The following WDFY1 variants were observed in gnomAD, a reference collection of about 807,000 sequenced individuals.
WDFY1 encodes WD repeat and FYVE domain containing 1, also known as WD repeat and FYVE domain-containing protein 1.
WDFY1 carries 32 observed loss-of-function variants against 56.4 expected under a neutral mutation model. That is an observed-to-expected ratio of 0.57 (90% CI 0.43 to 0.76). The LOEUF (loss-of-function observed/expected upper bound fraction) is 0.76. Ranked by LOEUF, WDFY1 falls within the 30% of genes least tolerant of loss-of-function variation. The pLI, the probability that WDFY1 is intolerant of heterozygous loss-of-function variation, is 0.00. For missense variants in WDFY1, 480 were observed against 545.7 expected, an observed-to-expected ratio of 0.88 and a Z score of 1.20; for synonymous variants, 192 against 197.3, an observed-to-expected ratio of 0.97 and a Z score of 0.23.
chr2:223,943,713 T>G (rs1689352531), intron 1 of WDFY1, among the ~76,000 whole-genome samples: 1 of 152,222 alleles, frequency 6.6e-6, no homozygotes, highest in South Asian at 2.1e-4. Context: ...ACCTTTAGGA[T>G]TTGAAAGACG....
At chr2:223,894,425 A>T (rs1693327527) in intron 7 of WDFY1, 86 bp from the exon 8 acceptor site, 1 of 1,357,586 alleles carries the variant, frequency 7.4e-7, no homozygotes, top group Admixed American at 1.9e-5. Context: ...TGCTCTCCTC[A>T]TTAAAATCAG....
chr2:223,944,889 A>T (rs1052576776), intron 1 of WDFY1, among the ~76,000 whole-genome samples: 2 of 149,432 alleles, frequency 1.3e-5, no homozygotes, highest in African/African-American at 2.5e-5. Context: ...CCCGGGCTGG[A>T]GGGGCGCGGT....
chr2:223,920,818 G>A (rs902273624), intron 1 of WDFY1, among the ~76,000 whole-genome samples: 2 of 152,214 alleles, frequency 1.3e-5, no homozygotes, highest in South Asian at 4.1e-4. Flanking sequence ...GCTTAAAACA[G>A]AGAGTGGCTG....
chr2:223,890,786 C>T (rs1376392761), intron 8 of WDFY1, among the ~76,000 whole-genome samples: 2 of 152,218 alleles, frequency 1.3e-5, no homozygotes, highest in Non-Finnish European at 2.9e-5. Context: ...AAATGCTATA[C>T]ATTCTGTAAC....
chr2:223,895,623 G>T lies in WDFY1; in HGVS notation c.606C>A (p.Val202=). ...ITTLKGHEGS[V]ACLWWDPIQR... ...GAATAGGGTCCCACCAGAGGCAGGC[G>T]ACACTACCTAGGGATTTGTGAGAGA... is the stretch of plus-strand genomic sequence containing the variant. The change falls in exon 7 of 12, where the codon GTC becomes GTA. Residue 202 remains valine (V), a synonymous_variant. Transcript: ENST00000233055. 6.2e-7 allele frequency: 1 copy of T among 1,613,874 alleles called. No homozygotes were observed. The highest frequency in any genetic ancestry group is 8.5e-7 in the Non-Finnish European group (1 of 1,179,912).
rs77501126 is a variant in WDFY1 at position 223,896,421 on chromosome 2, A to G, written c.599-791T>C. On this transcript the variant is annotated intron_variant, in intron 6 of 11. Transcript: ENST00000233055. The stretch of plus-strand genomic sequence containing the variant: ...AGATGTCTATGTTTAAGCAAATTAC[A>G]TTAAGTACCACAGAAAAAAGTCTGT... Among the ~76,000 whole-genome samples, 1,049 of 152,292 alleles carry G rather than the reference A, an allele frequency of 6.9e-3. 9 individuals carry two copies. Among genetic ancestry groups the G allele is most frequent in the African/African-American group, 0.023 (955 of 41,574 alleles).
At chr2:223,934,085 T>C (rs144601609) in intron 1 of WDFY1, among the ~76,000 whole-genome samples, 1 of 4,916 alleles carries the variant, frequency 2.0e-4, no homozygotes, top group Non-Finnish European at 2.8e-3. Context: ...TCTTTTCTTT[T>C]TTTTTTTTTT....
rs868410997 is a variant in WDFY1 at position 223,926,132 on chromosome 2, G to A, written c.138-8122C>T. ...CAGATCTATCAGAGGCACTATCTAC[G>A]GCAGTTATAGCCTTATAAAAAAATT... On this transcript the variant is annotated intron_variant, in intron 1 of 11. Coordinates refer to ENST00000233055, the MANE Select transcript of WDFY1 (RefSeq NM_020830.5). Among the ~76,000 whole-genome samples the A allele has an allele frequency of 5.9e-5, 9 of 152,136 alleles. No homozygotes were observed. The South Asian group carries it at 6.2e-4, about 11-fold the overall frequency.
chr2:223,896,154 T>TGAAAAAAAAAAAA (rs1693367664), intron 6 of WDFY1, among the ~76,000 whole-genome samples: 1 of 6,554 alleles, frequency 1.5e-4, no homozygotes, highest in Non-Finnish European at 2.6e-4. Flanking sequence ...AGACTCTGTC[T>TGAAAAAAAAAAAA]CAAAAAAAAA....
chr2:223,886,168 G>A (rs544830209), intron 8 of WDFY1, among the ~76,000 whole-genome samples: 1 of 150,774 alleles, frequency 6.6e-6, no homozygotes, highest in Non-Finnish European at 1.5e-5. Context: ...GTGAAACCCC[G>A]TCTTTATTAA....
intron 8 of WDFY1, 88 bp from the exon 9 acceptor site, chr2:223,884,837 C>A: frequency 1.7e-6 from 2 of 1,152,144 alleles, no homozygotes; most frequent in Non-Finnish European, 2.5e-6. Flanking sequence ...TAGACCTTGC[C>A]AAGGTTAGTA....
At chr2:223,896,673 T>C (rs1024244095) in intron 6 of WDFY1, among the ~76,000 whole-genome samples, 23 of 152,304 alleles carry the variant, frequency 1.5e-4, no homozygotes, top group African/African-American at 5.5e-4. Flanking sequence ...ATAATAATTT[T>C]GGTAGGTATA....
intron 5 of WDFY1, chr2:223,900,932 A>C: frequency 2.4e-6 from 1 of 411,952 alleles, no homozygotes; most frequent in Non-Finnish European, 4.3e-6. Context: ...CATTATTTTT[A>C]ATAAACCCAA....
chr2:223,918,014 T>C lies in WDFY1; in HGVS notation c.138-4A>G. On this transcript the variant is annotated splice_region_variant and splice_polypyrimidine_tract_variant and intron_variant, in intron 1 of 11. Coordinates refer to ENST00000233055, the MANE Select transcript of WDFY1 (RefSeq NM_020830.5). ...TTTCAGCCATACCCGGATGGTTCTG[T>C]GGAGAAAAGAAAAGAAAAAATAGAG... The C allele has an allele frequency of 6.2e-7, 1 of 1,613,280 alleles. No homozygotes were observed. Among genetic ancestry groups the C allele is most frequent in the African/African-American group, 1.3e-5 (1 of 74,984 alleles).
intron 1 of WDFY1, among the ~76,000 whole-genome samples, chr2:223,932,026 G>A (rs1208691738): frequency 6.6e-6 from 1 of 150,918 alleles, no homozygotes; most frequent in Non-Finnish European, 1.5e-5. Flanking sequence ...ACCAGAAAGG[G>A]CACTGGAAAT....
At chr2:223,888,863 C>T (rs1431070479) in intron 8 of WDFY1, among the ~76,000 whole-genome samples, 5 of 148,506 alleles carry the variant, frequency 3.4e-5, no homozygotes, top group Non-Finnish European at 5.9e-5. Context: ...GCTGGGATTA[C>T]AGGCGTGAGT....
At chr2:223,913,273 A>AAGACGT (rs1693735594) in intron 2 of WDFY1, among the ~76,000 whole-genome samples, 1 of 152,102 alleles carries the variant, frequency 6.6e-6, no homozygotes, top group Non-Finnish European at 1.5e-5. Context: ...CACCATTTGA[A>AAGACGT]TATAAAGTTC....
intron 1 of WDFY1, among the ~76,000 whole-genome samples, chr2:223,939,314 T>C (rs570167390): frequency 1.3e-5 from 2 of 152,196 alleles, no homozygotes; most frequent in Admixed American, 1.3e-4. Flanking sequence ...GATAAGTACA[T>C]GAAGCCCGGA....
At chr2:223,923,341 T>TG (rs1201969711) in intron 1 of WDFY1, among the ~76,000 whole-genome samples, 1 of 152,234 alleles carries the variant, frequency 6.6e-6, no homozygotes, top group Non-Finnish European at 1.5e-5. Flanking sequence ...AGTTTTAAGT[T>TG]GGGCCACTTA....
Sources: allele counts gnomAD v4.1 joint callset (sites outside exome capture counted in the v4.1 genomes callset), GRCh38; gene constraint gnomAD v4.1.1; transcripts MANE v1.5; gene names NCBI Gene and HGNC (gene_info 2026-07-23, HGNC 2026-07-21).